Variants in DGAT2L6 observed in about 807,000 individuals in gnomAD.
The protein encoded by DGAT2L6 is diacylglycerol O-acyltransferase 2-like protein 6.
A neutral mutation model predicts 25.5 loss-of-function variants in DGAT2L6; 22 were observed. That is an observed-to-expected ratio of 0.86 (90% CI 0.62 to 1.23). DGAT2L6 has a LOEUF of 1.23. DGAT2L6 is among the 50% of genes most tolerant of loss of function. DGAT2L6 has a pLI of 0.00. For synonymous variants in DGAT2L6, 100 were observed against 94.7 expected (o/e 1.06, Z -0.32); for missense variants, 287 against 253.2 (o/e 1.13, Z -0.91).
chrX:70,197,117 G>A (rs2085394741), intron 1 of DGAT2L6, among the ~76,000 whole-genome samples: 1 of 111,372 alleles, frequency 9.0e-6, no homozygotes, highest in Non-Finnish European at 1.9e-5. Context: ...ACTTGAACGT[G>A]ACAAGAGAAA....
At chrX:70,197,327 C>T (rs1043031741) in intron 1 of DGAT2L6, among the ~76,000 whole-genome samples, 2 of 111,871 alleles carry the variant, frequency 1.8e-5, no homozygotes, top group East Asian at 2.8e-4. Flanking sequence ...GTGCACGACA[C>T]TGATGACACT....
At chrX:70,201,731 G>A (rs1182935039) in intron 4 of DGAT2L6, among the ~76,000 whole-genome samples, 159 bp from the exon 5 acceptor site, 2 of 111,132 alleles carry the variant, frequency 1.8e-5, no homozygotes. Flanking sequence ...TTAGGCTAGG[G>A]CAGTCATAAC....
chrX:70,188,989 A>C (rs757226982), intron 1 of DGAT2L6, among the ~76,000 whole-genome samples: 6 of 109,052 alleles, frequency 5.5e-5, no homozygotes, highest in East Asian at 2.8e-4. Context: ...AAAAAAAAAA[A>C]AAAAAACCCT....
chrX:70,180,346 G>A (rs1469205456), intron 1 of DGAT2L6, among the ~76,000 whole-genome samples: 2 of 110,799 alleles, frequency 1.8e-5, no homozygotes, highest in Non-Finnish European at 3.8e-5. Context: ...CTACTCGGGA[G>A]GCTGAGGAAG....
In DGAT2L6 at chrX:70,200,559, G is replaced by A. The variant is rs756377435; in HGVS notation, c.472+100G>A. The A allele has an allele frequency of 3.7e-6, 3 of 808,685 alleles. No individual in the cohort carries two copies. In the East Asian group the frequency reaches 1.0e-4, roughly 28 times the overall value. The allele number at this position is 808,685 out of a possible 1,213,427, so 66.6% of individuals were successfully genotyped here. A position where few individuals can be genotyped will look rare whatever the true frequency, so the allele number is the denominator to read the frequency against. ...CTACCTGCTTGAAGAGTACATGATA[G>A]AAAATAAGTCCAGGACACCCTGGGC... On this transcript the variant is annotated intron_variant, in intron 4 of 6. Transcript: ENST00000333026.
At chrX:70,186,352 A>G (rs1294905184) in intron 1 of DGAT2L6, among the ~76,000 whole-genome samples, 1 of 112,278 alleles carries the variant, frequency 8.9e-6, no homozygotes, top group Non-Finnish European at 1.9e-5. Context: ...CAGAAGAGGG[A>G]GTCCTCAATT....
intron 1 of DGAT2L6, among the ~76,000 whole-genome samples, chrX:70,187,169 TTTTGTTTGTTTGTTTG>T (rs61670297): frequency 4.6e-5 from 5 of 108,423 alleles, no homozygotes; most frequent in Non-Finnish European, 9.5e-5. Flanking sequence ...AGGAGAAGTT[TTTTGTTTGTTTGTTTG>T]TTTGTTTGTT....
chrX:70,204,537 G>A (rs373496791), intron 6 of DGAT2L6, 21 bp downstream of exon 6: 10 of 1,198,355 alleles, frequency 8.3e-6, no homozygotes, highest in East Asian at 3.0e-5. Flanking sequence ...CCTTATCTCC[G>A]GATGACCTGT....
At chrX:70,180,365 C>G (rs2085339703) in intron 1 of DGAT2L6, among the ~76,000 whole-genome samples, 1 of 110,966 alleles carries the variant, frequency 9.0e-6, no homozygotes, top group Non-Finnish European at 1.9e-5. Flanking sequence ...AGGAGAATCA[C>G]TTGAACCCGA....
chrX:70,189,163 G>T (rs1231643244), intron 1 of DGAT2L6, among the ~76,000 whole-genome samples: 1 of 110,135 alleles, frequency 9.1e-6, no homozygotes, highest in African/African-American at 3.3e-5. Context: ...CATACAGATC[G>T]GAAAAAAAGA....
chrX:70,182,693 G>T (rs186115844), intron 1 of DGAT2L6, among the ~76,000 whole-genome samples: 2 of 109,421 alleles, frequency 1.8e-5, no homozygotes, highest in African/African-American at 3.3e-5. Flanking sequence ...TCGCTCTGTC[G>T]CCCAGGCTGG....
At chrX:70,190,907 C>A (rs1449859492) in intron 1 of DGAT2L6, among the ~76,000 whole-genome samples, 1 of 112,246 alleles carries the variant, frequency 8.9e-6, no homozygotes, top group Non-Finnish European at 1.9e-5. Context: ...GGCCCGCAGG[C>A]CTCAGTCTTG....
chrX:70,186,377 A>G (rs899202034), intron 1 of DGAT2L6, among the ~76,000 whole-genome samples: 1 of 112,273 alleles, frequency 8.9e-6, no homozygotes, highest in East Asian at 2.8e-4. Context: ...CCGGGAGATG[A>G]GCAAAGATAT....
At chrX:70,191,764 A>T (rs1028832209) in intron 1 of DGAT2L6, among the ~76,000 whole-genome samples, 7 of 112,203 alleles carry the variant, frequency 6.2e-5, no homozygotes, top group African/African-American at 2.3e-4. Flanking sequence ...ACAACAGAGA[A>T]TATTGAAAGC....
chrX:70,187,163 G>T (rs2085362186), intron 1 of DGAT2L6, among the ~76,000 whole-genome samples: 1 of 104,712 alleles, frequency 9.6e-6, no homozygotes, highest in Non-Finnish European at 1.9e-5. Context: ...ACGGATAGGA[G>T]AAGTTTTTTG....
intron 4 of DGAT2L6, among the ~76,000 whole-genome samples, chrX:70,201,045 C>T (rs1407548281): frequency 8.9e-6 from 1 of 112,186 alleles, no homozygotes; most frequent in Admixed American, 9.4e-5. Flanking sequence ...AGCTTCAAGT[C>T]AGGGCACTGT....
At chrX:70,202,335 A>G (rs1403692128) in intron 5 of DGAT2L6, among the ~76,000 whole-genome samples, 1 of 112,053 alleles carries the variant, frequency 8.9e-6, no homozygotes, top group Non-Finnish European at 1.9e-5. Context: ...GGTCTGGGAA[A>G]GCGGGGCTTC....
At chrX:70,192,714 A>G (rs1275850206) in intron 1 of DGAT2L6, among the ~76,000 whole-genome samples, 1 of 111,702 alleles carries the variant, frequency 9.0e-6, no homozygotes, top group East Asian at 2.8e-4. Context: ...TCACAAATCA[A>G]TAACCTAACT....
At chrX:70,186,033 G>A (rs1206771566) in intron 1 of DGAT2L6, among the ~76,000 whole-genome samples, 3 of 111,492 alleles carry the variant, frequency 2.7e-5, no homozygotes, top group South Asian at 3.7e-4. Context: ...GAAATAACTC[G>A]TTGCCTATAT....
Sources: gnomAD v4.1 joint callset for allele counts (sites outside exome capture counted in the v4.1 genomes callset) on GRCh38, gnomAD v4.1.1 for gene constraint, MANE v1.5 for transcripts, NCBI Gene and HGNC (gene_info 2026-07-23, HGNC 2026-07-21) for gene names.